The following BCAT1 variants were observed in gnomAD, a reference collection of about 807,000 sequenced individuals.
The protein encoded by BCAT1 is branched-chain-amino-acid aminotransferase, cytosolic.
Under a neutral mutation model 52.4 loss-of-function variants are expected in BCAT1, and 48 were observed. The ratio of observed to expected loss-of-function variants is 0.92; its 90% confidence interval spans 0.73 to 1.16. BCAT1 has a LOEUF of 1.16. Among genes scored for constraint, BCAT1 ranks in the 50% most tolerant of loss-of-function variants. The pLI, the probability that BCAT1 is intolerant of heterozygous loss-of-function variation, is 0.00. For missense variants in BCAT1, 451 were observed against 457.1 expected, an observed-to-expected ratio of 0.99 and a Z score of 0.12; for synonymous variants, 167 against 161.3, an observed-to-expected ratio of 1.04 and a Z score of -0.27.
At chr12:24,910,768 T>C (rs1275447572) in intron 1 of BCAT1, among the ~76,000 whole-genome samples, 1 of 152,170 alleles carries the variant, frequency 6.6e-6, no homozygotes, top group Non-Finnish European at 1.5e-5. Context: ...ATGAAATCAT[T>C]GTTGTTTTTT....
intron 5 of BCAT1, among the ~76,000 whole-genome samples, chr12:24,862,423 T>G (rs976572911): frequency 4.6e-5 from 7 of 152,184 alleles, no homozygotes; most frequent in Admixed American, 3.3e-4. Context: ...CAACAAGAAT[T>G]CTTTCCTGAT....
chr12:24,855,426 GGT>G (rs1565465183), intron 5 of BCAT1, among the ~76,000 whole-genome samples: 1 of 151,848 alleles, frequency 6.6e-6, no homozygotes, highest in Non-Finnish European at 1.5e-5. Flanking sequence ...TCTTGCCCAG[GGT>G]GGAGTGCAGT....
chr12:24,835,039 C>G (rs1591789296), intron 8 of BCAT1, among the ~76,000 whole-genome samples: 1 of 152,192 alleles, frequency 6.6e-6, no homozygotes, highest in East Asian at 1.9e-4. Context: ...GCTAGCAAAT[C>G]ATTAGTGTGG....
At chr12:24,873,731 T>C (rs968809060) in intron 5 of BCAT1, among the ~76,000 whole-genome samples, 2 of 152,214 alleles carry the variant, frequency 1.3e-5, no homozygotes, top group Non-Finnish European at 1.5e-5. Context: ...AATGCTCCAA[T>C]GAGCATTTTT....
chr12:24,853,796 C>G (rs1433757975), intron 5 of BCAT1, among the ~76,000 whole-genome samples: 3 of 152,124 alleles, frequency 2.0e-5, no homozygotes, highest in Non-Finnish European at 4.4e-5. Context: ...CGATGAGTCA[C>G]ATTCCTTATA....
At chr12:24,919,181 C>A (rs1422285507) in intron 1 of BCAT1, among the ~76,000 whole-genome samples, 1 of 152,178 alleles carries the variant, frequency 6.6e-6, no homozygotes, top group African/African-American at 2.4e-5. Context: ...TTGTGTTAGG[C>A]ACAAAAGAAC....
chr12:24,899,158 G>A (rs990931882), intron 2 of BCAT1, among the ~76,000 whole-genome samples: 10 of 152,292 alleles, frequency 6.6e-5, no homozygotes, highest in African/African-American at 2.4e-4. Context: ...TCGCCAGGAT[G>A]TGTAACAACG....
chr12:24,841,884 G>A (rs566323101), intron 7 of BCAT1, among the ~76,000 whole-genome samples, 198 bp downstream of exon 7: 2 of 152,256 alleles, frequency 1.3e-5, no homozygotes, highest in South Asian at 4.2e-4. Context: ...GGGTGACATA[G>A]TGAGACTCCA....
At chr12:24,911,711 C>A (rs111323496) in intron 1 of BCAT1, among the ~76,000 whole-genome samples, 1,896 of 152,254 alleles carry the variant, frequency 0.012, 34 homozygotes, top group African/African-American at 0.043. Context: ...CCTCCCCACC[C>A]CTCGTCCTCA....
intron 5 of BCAT1, among the ~76,000 whole-genome samples, chr12:24,865,385 T>C (rs1941976168): frequency 6.6e-6 from 1 of 152,230 alleles, no homozygotes; most frequent in African/African-American, 2.4e-5. Context: ...ATCCAACCTA[T>C]CAGCAAATTG....
At chr12:24,894,915 T>C (rs1300183461) in intron 2 of BCAT1, among the ~76,000 whole-genome samples, 1 of 152,204 alleles carries the variant, frequency 6.6e-6, no homozygotes, top group Non-Finnish European at 1.5e-5. Flanking sequence ...TTAGCAATGG[T>C]TACACTCCAA....
At chr12:24,927,464 T>C (rs930944071) in intron 1 of BCAT1, among the ~76,000 whole-genome samples, 4 of 152,244 alleles carry the variant, frequency 2.6e-5, no homozygotes, top group African/African-American at 9.6e-5. Context: ...CAATTAAACA[T>C]GGTAGACTGA....
At chr12:24,819,561 A>G (rs1404918412) in intron 10 of BCAT1, among the ~76,000 whole-genome samples, 1 of 152,180 alleles carries the variant, frequency 6.6e-6, no homozygotes, top group Non-Finnish European at 1.5e-5. Flanking sequence ...ATTTTAATCC[A>G]AGCTTCTCAT....
intron 2 of BCAT1, 136 bp downstream of exon 2, chr12:24,901,678 G>A: frequency 1.1e-6 from 1 of 883,692 alleles, no homozygotes; most frequent in Non-Finnish European, 1.7e-6. Flanking sequence ...CTCTAAGAGT[G>A]GAATTTTAAA....
chr12:24,811,847 T>C lies in BCAT1; in HGVS notation c.*6161A>G, dbSNP rs564942159. ...GATACAAGAGAACAGGTTCTAACAA[T>C]TTCATAATTAAGTTGATATTCTGTT... On this transcript the variant is annotated 3_prime_UTR_variant, in exon 11 of 11. Transcript: ENST00000261192. The C allele has an allele frequency of 2.0e-5, 3 of 152,252 alleles. No individual in the cohort carries two copies. Among genetic ancestry groups the C allele is most frequent in the Admixed American group, 6.5e-5 (1 of 15,300 alleles). 9.4% of individuals were successfully genotyped at this position (152,252 alleles called of 1,614,324 possible).
intron 2 of BCAT1, among the ~76,000 whole-genome samples, chr12:24,900,515 C>A (rs1346722918): frequency 6.6e-6 from 1 of 152,086 alleles, no homozygotes; most frequent in Non-Finnish European, 1.5e-5. Context: ...TCTGAGAGAT[C>A]AAGGCTGAAA....
In BCAT1 at chr12:24,900,587, C is replaced by CA. The variant is rs570416430; in HGVS notation, c.78+1226dup. Among the ~76,000 whole-genome samples, 44 of 151,202 alleles carry CA rather than the reference C, an allele frequency of 2.9e-4. No homozygotes were observed. The South Asian group carries it at 2.9e-3, about 10-fold the overall frequency. Reference sequence around the variant, plus strand: ...TGGGCAACAGAACAAGACTCTGTCTCAAAAAAAAGAAAAAGAAAGGAAAAG... The same window carrying CA: ...TGGGCAACAGAACAAGACTCTGTCTCAAAAAAAAAGAAAAAGAAAGGAAAAG... On this transcript the variant is annotated intron_variant, in intron 2 of 10. Transcript: ENST00000261192.
chr12:24,943,353 C>T (rs1293010106), intron 1 of BCAT1, among the ~76,000 whole-genome samples: 1 of 151,774 alleles, frequency 6.6e-6, no homozygotes, highest in Non-Finnish European at 1.5e-5. Context: ...ATTCACCGGG[C>T]GTGGTGGCAC....
chr12:24,925,734 C>T (rs549795501), intron 1 of BCAT1, among the ~76,000 whole-genome samples: 149 of 152,266 alleles, frequency 9.8e-4, no homozygotes, highest in African/African-American at 3.0e-3. Flanking sequence ...TGATTGCAGG[C>T]GCGCGCCACC....
Sources: gnomAD v4.1 joint callset for allele counts (sites outside exome capture counted in the v4.1 genomes callset) on GRCh38, gnomAD v4.1.1 for gene constraint, MANE v1.5 for transcripts, NCBI Gene and HGNC (gene_info 2026-07-23, HGNC 2026-07-21) for gene names.